CCDC171: variants seen among roughly 807,000 people sequenced by gnomAD.
CCDC171 encodes coiled-coil domain-containing protein 171.
In CCDC171, 177 loss-of-function variants were observed where a neutral mutation model predicts 168.2. That is an observed-to-expected ratio of 1.05 (90% CI 0.93 to 1.19). The LOEUF is 1.19. CCDC171 is among the 50% of genes most tolerant of loss of function. The probability of loss-of-function intolerance (pLI) is 0.00; values close to 1 mark genes in which losing one functional copy is unlikely to be tolerated. For missense variants in CCDC171, 1,991 were observed against 1,539.0 expected (o/e 1.29, Z -4.91); for synonymous variants, 687 against 540.8 (o/e 1.27, Z -3.75).
rs565025032 is a variant in CCDC171 at position 15,562,578 on chromosome 9, C to T, written c.-111-1400C>T. 9.2e-5 allele frequency among the ~76,000 whole-genome samples: 14 copies of T among 152,238 alleles called. No homozygotes were observed. In the East Asian group the frequency reaches 2.3e-3, roughly 25 times the overall value. On this transcript the variant is annotated intron_variant, in intron 1 of 25. Coordinates refer to ENST00000380701, the MANE Select transcript of CCDC171 (RefSeq NM_173550.4). Reference sequence around the variant, plus strand: ...AACAACTTTATTAAAAGTTTCGTAACCTCTACTTGCCACACTTCTCTGCCC... The same window carrying T: ...AACAACTTTATTAAAAGTTTCGTAATCTCTACTTGCCACACTTCTCTGCCC...
chr9:15,577,026 G>C (rs2040726356), intron 3 of CCDC171, among the ~76,000 whole-genome samples: 1 of 152,210 alleles, frequency 6.6e-6, no homozygotes, highest in Non-Finnish European at 1.5e-5. Context: ...AGAGTTCATA[G>C]TTTTTAGGTT....
At chr9:15,577,174 T>G (rs145423802) in intron 3 of CCDC171, among the ~76,000 whole-genome samples, 1 of 152,362 alleles carries the variant, frequency 6.6e-6, no homozygotes, top group African/African-American at 2.4e-5. Flanking sequence ...TCCAGGTTTG[T>G]TCATAACCTT....
chr9:15,838,486 C>T (rs1434521801), intron 21 of CCDC171, among the ~76,000 whole-genome samples: 2 of 152,162 alleles, frequency 1.3e-5, no homozygotes, highest in Non-Finnish European at 2.9e-5. Flanking sequence ...CCATGGCCTT[C>T]TATTACAATA....
the CCDC171 span, among the ~76,000 whole-genome samples, chr9:16,096,715 C>T: frequency 1.3e-5 from 2 of 152,174 alleles, no homozygotes; most frequent in Non-Finnish European, 2.9e-5. Flanking sequence ...CTTGCAAGTT[C>T]TAGAAACCAC....
intron 1 of CCDC171, among the ~76,000 whole-genome samples, chr9:16,058,262 GC>G (rs1468040641): frequency 1.3e-5 from 2 of 151,796 alleles, no homozygotes; most frequent in African/African-American, 4.8e-5. Flanking sequence ...ACTGACTCAG[GC>G]CCCATTCATC....
chr9:15,589,033 T>G (rs959083097), intron 4 of CCDC171, among the ~76,000 whole-genome samples: 1 of 152,064 alleles, frequency 6.6e-6, no homozygotes, highest in Non-Finnish European at 1.5e-5. Flanking sequence ...AGAGCTATGT[T>G]GTTGCCCCAC....
rs1310330705 is a variant in CCDC171 at position 15,623,473 on chromosome 9, G to GCACACACA, written c.822+61_822+62insACACACAC. 2.3e-3 allele frequency: 1,066 copies of GCACACACA among 463,202 alleles called. 7 individuals carry two copies. The highest frequency in any genetic ancestry group is 7.7e-3 in the African/African-American group (214 of 27,842). 28.7% of individuals were successfully genotyped at this position (463,202 alleles called of 1,614,324 possible). A position where few individuals can be genotyped will look rare whatever the true frequency, so the allele number is the denominator to read the frequency against. On this transcript the variant is annotated intron_variant, in intron 7 of 25. Coordinates refer to ENST00000380701, the MANE Select transcript of CCDC171 (RefSeq NM_173550.4). Reference sequence around the variant, plus strand: ...TACAAACTTTCACATATGCGCGCGCGCGCACACACACACACACACACACAC... The same window carrying GCACACACA: ...TACAAACTTTCACATATGCGCGCGCGCACACACACGCACACACACACACACACACACAC...
At chr9:16,060,685 C>T (rs1361448805) in exon 2 of CCDC171, 3 of 152,224 alleles carry the variant, frequency 2.0e-5, no homozygotes, top group African/African-American at 7.2e-5. Context: ...TCCATACCCA[C>T]TAACCATGCC....
intron 1 of CCDC171, among the ~76,000 whole-genome samples, chr9:15,553,859 T>G (rs2038549125): frequency 6.6e-6 from 1 of 151,226 alleles, no homozygotes; most frequent in South Asian, 2.1e-4. Context: ...CATTATGATA[T>G]TGATCCTAAG....
At chr9:15,950,623 G>C (rs1231479623) in intron 25 of CCDC171, among the ~76,000 whole-genome samples, 1 of 151,854 alleles carries the variant, frequency 6.6e-6, no homozygotes, top group East Asian at 1.9e-4. Flanking sequence ...CCTGAAGGAA[G>C]CGCTAAACAT....
At chr9:15,613,017 G>A (rs546014545) in intron 6 of CCDC171, among the ~76,000 whole-genome samples, 1 of 152,206 alleles carries the variant, frequency 6.6e-6, no homozygotes, top group East Asian at 1.9e-4. Flanking sequence ...TTTGTTGGGG[G>A]TTCTATATAC....
At position 16,010,880 on chromosome 9, in the gene CCDC171, G is replaced by A. The variant is rs1050074449; in HGVS notation, n.369-9709G>A. Among the ~76,000 whole-genome samples, 3 of 152,000 alleles carry A rather than the reference G, an allele frequency of 2.0e-5. 1 individual carries two copies. Among genetic ancestry groups the A allele is most frequent in the Non-Finnish European group, 4.4e-5 (3 of 68,000 alleles). On this transcript the variant is annotated intron_variant and non_coding_transcript_variant, in intron 3 of 9. Transcript: ENST00000486641. ...CCTAAAAGAGTATACAATGAGAAGA[G>A]GGCATTAGGATGAGGTCCCCAGGGA... is the stretch of plus-strand genomic sequence containing the variant.
chr9:15,883,984 C>A (rs1004570319), intron 24 of CCDC171, among the ~76,000 whole-genome samples: 2 of 152,078 alleles, frequency 1.3e-5, no homozygotes, highest in Non-Finnish European at 2.9e-5. Context: ...GAAATCCTTC[C>A]CCCTGTAGAC....
intron 25 of CCDC171, among the ~76,000 whole-genome samples, chr9:15,955,277 G>T (rs1236705930): frequency 2.0e-5 from 3 of 152,112 alleles, no homozygotes; most frequent in African/African-American, 7.2e-5. Flanking sequence ...GTCCCAAAGG[G>T]GGGAAAAGAG....
chr9:15,722,995 A>C (rs1157451499), intron 12 of CCDC171, among the ~76,000 whole-genome samples: 1 of 152,154 alleles, frequency 6.6e-6, no homozygotes, highest in African/African-American at 2.4e-5. Flanking sequence ...ATGTCACATG[A>C]TCCTCAGCAC....
intron 8 of CCDC171, among the ~76,000 whole-genome samples, chr9:15,657,901 A>G (rs2048057980): frequency 6.6e-6 from 1 of 152,126 alleles, no homozygotes; most frequent in African/African-American, 2.4e-5. Context: ...AGGGCATTTT[A>G]TTAGGGGTTG....
At chr9:15,814,369 G>A (rs927538689) in intron 21 of CCDC171, among the ~76,000 whole-genome samples, 2 of 152,120 alleles carry the variant, frequency 1.3e-5, no homozygotes, top group Non-Finnish European at 2.9e-5. Context: ...TAGATAATAC[G>A]AGGATGGGGT....
chr9:15,884,913 T>C (rs1389952775), intron 24 of CCDC171, among the ~76,000 whole-genome samples: 3 of 152,214 alleles, frequency 2.0e-5, no homozygotes, highest in Admixed American at 6.5e-5. Context: ...TTTTGACTTT[T>C]GGAGGTTTTT....
chr9:15,976,209 C>T (rs190536046), downstream of CCDC171, among the ~76,000 whole-genome samples: 1 of 152,116 alleles, frequency 6.6e-6, no homozygotes, highest in Non-Finnish European at 1.5e-5. Flanking sequence ...CCGAAGGAAA[C>T]TAATACACCA....
Sources: allele counts gnomAD v4.1 joint callset (sites outside exome capture counted in the v4.1 genomes callset), GRCh38; gene constraint gnomAD v4.1.1; transcripts MANE v1.5; gene names NCBI Gene and HGNC (gene_info 2026-07-23, HGNC 2026-07-21).